DACH1: variants seen among roughly 807,000 people sequenced by gnomAD.
DACH1 encodes dachshund homolog 1.
Under a neutral mutation model 54.2 loss-of-function variants are expected in DACH1, and 12 were observed. The ratio of observed to expected loss-of-function variants is 0.22; its 90% CI spans 0.14 to 0.36. DACH1 has a LOEUF of 0.36. DACH1 is among the 10% of genes least tolerant of loss of function. The probability of loss-of-function intolerance (pLI) is 1.00; values close to 1 mark genes in which losing one functional copy is unlikely to be tolerated. For missense variants in DACH1, 805 were observed against 929.8 expected, an observed-to-expected ratio of 0.87 and a Z score of 1.75; for synonymous variants, 386 against 366.2, an observed-to-expected ratio of 1.05 and a Z score of -0.62.
intron 1 of DACH1, among the ~76,000 whole-genome samples, chr13:71,790,378 T>G (rs1019570026): frequency 4.6e-5 from 7 of 152,294 alleles, no homozygotes; most frequent in Middle Eastern, 3.4e-3. Flanking sequence ...AAATGTCTCC[T>G]TAGGGTCAAG....
intron 6 of DACH1, among the ~76,000 whole-genome samples, chr13:71,537,585 G>A (rs927340612): frequency 6.6e-6 from 1 of 151,996 alleles, no homozygotes; most frequent in Non-Finnish European, 1.5e-5. Context: ...GAAATTTCAG[G>A]AATGTCTATA....
chr13:71,741,271 A>G (rs1204662481), intron 1 of DACH1, among the ~76,000 whole-genome samples: 2 of 152,178 alleles, frequency 1.3e-5, no homozygotes, highest in Non-Finnish European at 2.9e-5. Flanking sequence ...TGACTTTTTA[A>G]TTTTGATTAT....
At chr13:71,569,891 A>G (rs1386330367) in intron 4 of DACH1, among the ~76,000 whole-genome samples, 1 of 152,272 alleles carries the variant, frequency 6.6e-6, no homozygotes, top group East Asian at 1.9e-4. Flanking sequence ...TACAGGCTCA[A>G]TCTTCTATGA....
At chr13:71,723,405 T>A (rs182061275) in intron 1 of DACH1, among the ~76,000 whole-genome samples, 38 of 152,224 alleles carry the variant, frequency 2.5e-4, no homozygotes, top group East Asian at 1.2e-3. Context: ...TAGAGTGAGA[T>A]CCTATCTAAA....
intron 1 of DACH1, among the ~76,000 whole-genome samples, chr13:71,836,890 C>A (rs1440787568): frequency 6.6e-6 from 1 of 151,974 alleles, no homozygotes; most frequent in African/African-American, 2.4e-5. Context: ...AGAATTGAAG[C>A]CCTATGAGGG....
chr13:71,827,595 G>A (rs1387569679), intron 1 of DACH1, among the ~76,000 whole-genome samples: 2 of 152,016 alleles, frequency 1.3e-5, no homozygotes, highest in African/African-American at 2.4e-5. Flanking sequence ...GATTGTCAAC[G>A]TACTACAGAA....
At chr13:71,661,065 A>G (rs1484474445) in intron 2 of DACH1, among the ~76,000 whole-genome samples, 1 of 150,336 alleles carries the variant, frequency 6.7e-6, no homozygotes, top group African/African-American at 2.4e-5. Flanking sequence ...GAAAAGCAAA[A>G]AGAAGTTTTC....
intron 6 of DACH1, among the ~76,000 whole-genome samples, chr13:71,532,794 G>A (rs1336853498): frequency 6.6e-6 from 1 of 151,868 alleles, no homozygotes; most frequent in Non-Finnish European, 1.5e-5. Flanking sequence ...AATAATTGGG[G>A]TAGTTGTGAT....
intron 1 of DACH1, among the ~76,000 whole-genome samples, chr13:71,769,701 A>C (rs1006376354): frequency 6.6e-6 from 1 of 151,736 alleles, no homozygotes; most frequent in African/African-American, 2.4e-5. Flanking sequence ...GAGTATAAAA[A>C]TCACAGTTCT....
At chr13:71,793,465 A>C (rs1249713747) in intron 1 of DACH1, among the ~76,000 whole-genome samples, 1 of 152,198 alleles carries the variant, frequency 6.6e-6, no homozygotes, top group Non-Finnish European at 1.5e-5. Context: ...TAGATTGAAG[A>C]CAAAAGGGAA....
chr13:71,736,276 G>A (rs1351948108), intron 1 of DACH1, among the ~76,000 whole-genome samples: 2 of 152,142 alleles, frequency 1.3e-5, no homozygotes, highest in African/African-American at 4.8e-5. Context: ...AGATTACCAT[G>A]ATGTGCCATC....
At chr13:71,817,366 T>C (rs1173017029) in intron 1 of DACH1, among the ~76,000 whole-genome samples, 1 of 152,202 alleles carries the variant, frequency 6.6e-6, no homozygotes, top group African/African-American at 2.4e-5. Context: ...TTTGCCATCA[T>C]TACAGCTCCA....
chr13:71,731,683 G>A (rs1337605686), intron 1 of DACH1, among the ~76,000 whole-genome samples: 13 of 152,158 alleles, frequency 8.5e-5, no homozygotes, highest in Non-Finnish European at 1.2e-4. Flanking sequence ...AGACTCCGCT[G>A]TCAGAATTGC....
chr13:71,794,406 T>G (rs910880687), intron 1 of DACH1, among the ~76,000 whole-genome samples: 1 of 152,202 alleles, frequency 6.6e-6, no homozygotes, highest in Non-Finnish European at 1.5e-5. Context: ...GCTTACCCAC[T>G]AATCTCCTTT....
chr13:71,539,111 A>C (rs1882982108), intron 6 of DACH1, among the ~76,000 whole-genome samples: 1 of 152,054 alleles, frequency 6.6e-6, no homozygotes, highest in Admixed American at 6.6e-5. Context: ...CCATATACAC[A>C]CAGCTCTATT....
intron 4 of DACH1, 82 bp downstream of exon 4, chr13:71,572,758 T>C: frequency 7.0e-7 from 1 of 1,423,832 alleles, no homozygotes; most frequent in Admixed American, 2.1e-5. Flanking sequence ...AGTTCAGATG[T>C]ACTTATGGAA....
At chr13:71,842,749 C>T (rs1295649917) in intron 1 of DACH1, among the ~76,000 whole-genome samples, 2 of 151,928 alleles carry the variant, frequency 1.3e-5, no homozygotes, top group African/African-American at 4.8e-5. Flanking sequence ...TTTAAATACT[C>T]ACCTATTACT....
chr13:71,444,006 T>C (rs1874230289), intron 10 of DACH1, among the ~76,000 whole-genome samples: 1 of 152,214 alleles, frequency 6.6e-6, no homozygotes, highest in African/African-American at 2.4e-5. Context: ...GACCAAACTA[T>C]GTTTTTCTCA....
At position 71,557,987 on chromosome 13, in the gene DACH1, C is replaced by A. The variant is rs541128338; in HGVS notation, c.1436-829G>T. ...CAGCTAGAAAAAAAAAAAAATCTTG[C>A]TTTAAAAAATATTGGTGGGAAAACC... On this transcript the variant is annotated intron_variant, in intron 5 of 10. Coordinates refer to ENST00000613252, the MANE Select transcript of DACH1 (RefSeq NM_080759.6). Among the ~76,000 whole-genome samples the A allele has an allele frequency of 3.9e-3, 590 of 150,756 alleles. 4 individuals are homozygous for A. The highest frequency in any genetic ancestry group is 6.6e-3 in the Non-Finnish European group (448 of 67,648).
Sources: allele counts gnomAD v4.1 joint callset (sites outside exome capture counted in the v4.1 genomes callset), GRCh38; gene constraint gnomAD v4.1.1; transcripts MANE v1.5; gene names NCBI Gene and HGNC (gene_info 2026-07-23, HGNC 2026-07-21).